GRID1: variants seen among roughly 807,000 people sequenced by gnomAD.
GRID1 encodes glutamate ionotropic receptor delta type subunit 1.
A neutral mutation model predicts 98.0 loss-of-function variants in GRID1; 28 were observed. The ratio of observed to expected loss-of-function variants is 0.29; its 90% CI spans 0.21 to 0.39. The LOEUF is 0.39. Ranked by LOEUF, GRID1 falls within the 10% of genes least tolerant of loss-of-function variation. The pLI, the probability that GRID1 is intolerant of heterozygous loss-of-function variation, is 1.00. For missense variants in GRID1, 1,111 were observed against 1,340.5 expected, an observed-to-expected ratio of 0.83 and a Z score of 2.67; for synonymous variants, 553 against 538.5, an observed-to-expected ratio of 1.03 and a Z score of -0.37.
At chr10:85,955,211 A>G (rs978674819) in intron 4 of GRID1, among the ~76,000 whole-genome samples, 2 of 152,166 alleles carry the variant, frequency 1.3e-5, no homozygotes, top group African/African-American at 4.8e-5. Flanking sequence ...TTACTCACTC[A>G]GTAGAAACTG....
intron 4 of GRID1, among the ~76,000 whole-genome samples, chr10:85,939,817 G>A (rs1166874234): frequency 6.6e-6 from 1 of 152,068 alleles, no homozygotes; most frequent in African/African-American, 2.4e-5. Flanking sequence ...TATAATCCCA[G>A]CACTTTGGGA....
chr10:86,037,306 A>G (rs17106192), intron 4 of GRID1, among the ~76,000 whole-genome samples: 15,079 of 152,252 alleles, frequency 0.099, 924 homozygotes, highest in African/African-American at 0.17. Flanking sequence ...CCGGGCCTCA[A>G]AAAGCAGGGA....
intron 2 of GRID1, among the ~76,000 whole-genome samples, chr10:86,261,283 G>T (rs892543098): frequency 7.9e-5 from 12 of 152,250 alleles, no homozygotes; most frequent in African/African-American, 2.4e-4. Flanking sequence ...AGCAGGGCCT[G>T]CAGGACCCCT....
chr10:86,170,314 T>C (rs1202560191), intron 3 of GRID1, among the ~76,000 whole-genome samples: 4 of 152,158 alleles, frequency 2.6e-5, no homozygotes, highest in African/African-American at 9.6e-5. Context: ...TCTAATCAGG[T>C]CCCTGTCGCC....
chr10:86,189,711 C>A (rs1230600753), intron 3 of GRID1, among the ~76,000 whole-genome samples: 1 of 152,114 alleles, frequency 6.6e-6, no homozygotes, highest in Non-Finnish European at 1.5e-5. Flanking sequence ...CGATGTTTAT[C>A]AGCATCCCTG....
intron 6 of GRID1, among the ~76,000 whole-genome samples, chr10:85,866,743 G>C (rs1018190585): frequency 1.3e-5 from 2 of 152,202 alleles, no homozygotes; most frequent in African/African-American, 4.8e-5. Flanking sequence ...GGAGGGAACT[G>C]AGGCGCAGAA....
chr10:85,895,250 A>G (rs79338310), intron 5 of GRID1, among the ~76,000 whole-genome samples: 7,659 of 151,482 alleles, frequency 0.051, 265 homozygotes, highest in Non-Finnish European at 0.074. Context: ...TCCACATCCC[A>G]TCATCTCTAA....
chr10:86,131,339 T>C (rs1443858643), intron 4 of GRID1, among the ~76,000 whole-genome samples: 1 of 152,126 alleles, frequency 6.6e-6, no homozygotes, highest in Non-Finnish European at 1.5e-5. Context: ...TTGAGCCATT[T>C]CGGCTGCTGC....
At chr10:86,224,793 T>C (rs1846314182) in intron 2 of GRID1, among the ~76,000 whole-genome samples, 1 of 151,868 alleles carries the variant, frequency 6.6e-6, no homozygotes, top group African/African-American at 2.4e-5. Context: ...TGTCCCTTCC[T>C]CCTCACCCTT....
At position 85,798,402 on chromosome 10, in the gene GRID1, G is replaced by A. The variant is rs748373542; in HGVS notation, c.1233+56094C>T. On this transcript the variant is annotated intron_variant, in intron 8 of 15. Coordinates refer to ENST00000327946, the MANE Select transcript of GRID1 (RefSeq NM_017551.3). ...ATATATAGACAGTAGTGGAATTGTC[G>A]GATTATATGGTAGTTCTATTTGTAG... is the stretch of plus-strand genomic sequence containing the variant. Among the ~76,000 whole-genome samples, 39 of 152,138 alleles carry A rather than the reference G, an allele frequency of 2.6e-4. 1 individual carries two copies. The highest frequency in any genetic ancestry group is 7.4e-5 in the Non-Finnish European group (5 of 67,992).
chr10:86,045,019 C>T (rs1276863095), intron 4 of GRID1, among the ~76,000 whole-genome samples: 1 of 152,228 alleles, frequency 6.6e-6, no homozygotes, highest in Non-Finnish European at 1.5e-5. Flanking sequence ...CACTGGGATG[C>T]AAGGACCACA....
chr10:85,851,964 C>G (rs932801479), intron 8 of GRID1, among the ~76,000 whole-genome samples: 1 of 152,018 alleles, frequency 6.6e-6, no homozygotes, highest in South Asian at 2.1e-4. Context: ...TTCACAGCCC[C>G]GTCTCCCACC....
Position 85,867,160 on chromosome 10 carries a change from C to T in GRID1, c.951+1850G>A, listed in dbSNP as rs917025497. Among the ~76,000 whole-genome samples the T allele has an allele frequency of 9.2e-5, 14 of 152,184 alleles. No individual in the cohort carries two copies. The East Asian group carries it at 1.7e-3, about 19-fold the overall frequency. On this transcript the variant is annotated intron_variant, in intron 6 of 15. Coordinates refer to ENST00000327946, the MANE Select transcript of GRID1 (RefSeq NM_017551.3). ...GATATGCAACCAAAGGGCCCACCTG[C>T]GCCTTTCACCCACAGCAAAAGGGGG... is the stretch of plus-strand genomic sequence containing the variant.
chr10:85,776,804 C>T (rs538415864), intron 8 of GRID1, among the ~76,000 whole-genome samples: 9 of 152,188 alleles, frequency 5.9e-5, no homozygotes, highest in Admixed American at 1.3e-4. Flanking sequence ...AGCTAACAGC[C>T]ATGTTCTGGC....
intron 5 of GRID1, among the ~76,000 whole-genome samples, chr10:85,893,670 TAAC>T (rs1270108056): frequency 2.0e-5 from 3 of 152,188 alleles, no homozygotes; most frequent in African/African-American, 4.8e-5. Flanking sequence ...GAGACTAATT[TAAC>T]AACAAGACCT....
chr10:85,910,996 T>C (rs1841529561), intron 5 of GRID1, among the ~76,000 whole-genome samples: 1 of 151,934 alleles, frequency 6.6e-6, no homozygotes, highest in African/African-American at 2.4e-5. Context: ...GAAAAATAAA[T>C]GCAAGAAAGA....
chr10:85,743,742 G>A (rs141303466), intron 8 of GRID1, among the ~76,000 whole-genome samples: 218 of 152,194 alleles, frequency 1.4e-3, no homozygotes, highest in African/African-American at 5.0e-3. Context: ...AATATCTAGT[G>A]GCAGAAAATT....
rs568311226 is a variant in GRID1 at position 85,631,347 on chromosome 10, C to T, written c.2194-11314G>A. On this transcript the variant is annotated intron_variant, in intron 13 of 15. Coordinates refer to ENST00000327946, the MANE Select transcript of GRID1 (RefSeq NM_017551.3). ...CATCCTGTCCTCATGCTGGTTTTTT[C>T]CCCTCTTCTGCTGCCAGATTCTTGT... 3.0e-3 allele frequency among the ~76,000 whole-genome samples: 460 copies of T among 152,290 alleles called. 1 individual carries two copies. Among genetic ancestry groups the T allele is most frequent in the Non-Finnish European group, 4.8e-3 (327 of 68,020 alleles).
intron 2 of GRID1, among the ~76,000 whole-genome samples, chr10:86,245,362 C>A (rs1846706987): frequency 2.0e-5 from 3 of 152,226 alleles, no homozygotes; most frequent in Admixed American, 6.5e-5. Context: ...GACAGTCACC[C>A]ATTCCTATGG....
Sources: allele counts gnomAD v4.1 joint callset (sites outside exome capture counted in the v4.1 genomes callset), GRCh38; gene constraint gnomAD v4.1.1; transcripts MANE v1.5; gene names NCBI Gene and HGNC (gene_info 2026-07-23, HGNC 2026-07-21).